The following SHANK2 variants were observed in gnomAD, a reference collection of about 807,000 sequenced individuals.
The protein encoded by SHANK2 is SH3 and multiple ankyrin repeat domains protein 2.
Under a neutral mutation model 133.7 loss-of-function variants are expected in SHANK2, and 43 were observed. That is an observed-to-expected ratio of 0.32 (90% CI 0.25 to 0.41). SHANK2 has a LOEUF of 0.41. Ranked by LOEUF, SHANK2 falls within the 10% of genes least tolerant of loss-of-function variation. The probability of loss-of-function intolerance (pLI) is 1.00; values close to 1 mark genes in which losing one functional copy is unlikely to be tolerated. For synonymous variants in SHANK2, 1,017 were observed against 952.8 expected (o/e 1.07, Z -1.24); for missense variants, 1,994 against 2,235.8 (o/e 0.89, Z 2.18).
intron 10 of SHANK2, among the ~76,000 whole-genome samples, chr11:70,902,401 C>T (rs1412526219): frequency 2.0e-5 from 3 of 152,246 alleles, no homozygotes; most frequent in Non-Finnish European, 4.4e-5. Context: ...CCCTCGCTGG[C>T]CTCTCAGCCA....
intron 11 of SHANK2, among the ~76,000 whole-genome samples, chr11:70,880,199 T>C (rs539765382): frequency 1.3e-5 from 2 of 152,344 alleles, no homozygotes; most frequent in South Asian, 2.1e-4. Flanking sequence ...CTGAGCTTCC[T>C]GGTTAGCCTG....
intron 10 of SHANK2, among the ~76,000 whole-genome samples, chr11:70,918,309 C>G (rs1174604032): frequency 2.0e-5 from 3 of 152,160 alleles, no homozygotes; most frequent in African/African-American, 7.2e-5. Flanking sequence ...TCAAGTCAGA[C>G]GTGTACCCTC....
At chr11:70,755,554 C>T (rs1025612184) in intron 14 of SHANK2, among the ~76,000 whole-genome samples, 2 of 152,248 alleles carry the variant, frequency 1.3e-5, no homozygotes, top group South Asian at 2.1e-4. Context: ...TCCCCAGCCC[C>T]GGCCCCGGCC....
chr11:71,166,642 C>T (rs1278371769), intron 2 of SHANK2, among the ~76,000 whole-genome samples: 4 of 151,710 alleles, frequency 2.6e-5, no homozygotes, highest in Non-Finnish European at 4.4e-5. Flanking sequence ...CCACCACACC[C>T]GGCTAATTTT....
In SHANK2 at chr11:71,230,720, G is replaced by C. The variant is rs138448093; in HGVS notation, c.-112-5924C>G. On this transcript the variant is annotated intron_variant, in intron 1 of 25. Coordinates refer to ENST00000601538, the MANE Select transcript of SHANK2 (RefSeq NM_012309.5). ...CAAAGCTGTGTGGTTCTGGTGGAGG[G>C]ACAGGCACATAGCAATAGAACTCAA... Among the ~76,000 whole-genome samples, 250 of 152,200 alleles carry C rather than the reference G, an allele frequency of 1.6e-3. 2 individuals are homozygous for C. The highest frequency in any genetic ancestry group is 5.9e-3 in the African/African-American group (243 of 41,508).
chr11:70,529,571 C>T (rs570301468), intron 17 of SHANK2, among the ~76,000 whole-genome samples: 6 of 152,242 alleles, frequency 3.9e-5, no homozygotes, highest in Admixed American at 2.0e-4. Flanking sequence ...GTAAAATACA[C>T]GTGGCCTAAC....
intron 14 of SHANK2, among the ~76,000 whole-genome samples, chr11:70,709,883 G>A (rs1038686791): frequency 2.0e-5 from 3 of 152,112 alleles, no homozygotes; most frequent in Non-Finnish European, 4.4e-5. Flanking sequence ...GGGGCGGGTG[G>A]GCTCCGGGGG....
chr11:70,539,963 G>T (rs1169435606), intron 17 of SHANK2, among the ~76,000 whole-genome samples: 1 of 152,122 alleles, frequency 6.6e-6, no homozygotes, highest in Non-Finnish European at 1.5e-5. Flanking sequence ...TGGCTTGGAG[G>T]AGCATCACCC....
At chr11:70,704,626 T>C (rs1555024524) in intron 14 of SHANK2, among the ~76,000 whole-genome samples, 1 of 130,012 alleles carries the variant, frequency 7.7e-6, no homozygotes, top group Non-Finnish European at 1.8e-5. Context: ...CTTTTAGAGA[T>C]GCGATGGAAG....
chr11:71,131,243 C>A (rs1555103648), intron 3 of SHANK2, among the ~76,000 whole-genome samples: 3 of 152,198 alleles, frequency 2.0e-5, no homozygotes. Context: ...TGGGCTGGTG[C>A]TCGTGGTGGC....
chr11:70,548,058 G>T (rs1304741563), intron 17 of SHANK2, among the ~76,000 whole-genome samples: 3 of 152,262 alleles, frequency 2.0e-5, no homozygotes, highest in African/African-American at 7.2e-5. Context: ...GGCAAAGGAG[G>T]CGCTGACATA....
At chr11:71,141,962 GTC>G (rs57725293) in intron 3 of SHANK2, among the ~76,000 whole-genome samples, 10,541 of 151,768 alleles carry the variant, frequency 0.069, 825 homozygotes, top group African/African-American at 0.19. Flanking sequence ...ACCTCCAACG[GTC>G]TCTGAGCTGC....
chr11:70,879,919 G>T (rs1426927916), intron 11 of SHANK2, among the ~76,000 whole-genome samples: 2 of 152,212 alleles, frequency 1.3e-5, no homozygotes, highest in African/African-American at 4.8e-5. Context: ...CCTCTCCCAG[G>T]AATGGTGACA....
intron 14 of SHANK2, among the ~76,000 whole-genome samples, chr11:70,757,147 C>T (rs1946893309): frequency 6.6e-6 from 1 of 152,198 alleles, no homozygotes; most frequent in African/African-American, 2.4e-5. Context: ...ATCTACTGAG[C>T]CCCTGCCCTG....
chr11:70,738,896 C>T (rs1184621114), intron 14 of SHANK2, among the ~76,000 whole-genome samples: 1 of 152,336 alleles, frequency 6.6e-6, no homozygotes, highest in South Asian at 2.1e-4. Context: ...TTCTGCTGCC[C>T]CCCTCGAATG....
At chr11:70,709,865 T>C (rs1945741944) in intron 14 of SHANK2, among the ~76,000 whole-genome samples, 2 of 149,052 alleles carry the variant, frequency 1.3e-5, no homozygotes, top group South Asian at 4.4e-4. Flanking sequence ...AGGCCTCAGG[T>C]CACCAGTGGG....
chr11:70,723,546 C>T (rs1001759869), intron 14 of SHANK2, among the ~76,000 whole-genome samples: 1 of 152,230 alleles, frequency 6.6e-6, no homozygotes, highest in African/African-American at 2.4e-5. Flanking sequence ...GCCCAACTCA[C>T]AGGCTGAGTG....
At chr11:70,504,995 T>C (rs2059116757) in intron 17 of SHANK2, among the ~76,000 whole-genome samples, 1 of 152,106 alleles carries the variant, frequency 6.6e-6, no homozygotes, top group African/African-American at 2.4e-5. Flanking sequence ...GCACAGGCAG[T>C]TCAGCTGTCT....
At chr11:70,748,983 AT>A (rs1443361897) in intron 14 of SHANK2, among the ~76,000 whole-genome samples, 2 of 138,476 alleles carry the variant, frequency 1.4e-5, no homozygotes, top group Non-Finnish European at 3.1e-5. Flanking sequence ...ACAATAACGA[AT>A]CCCCCCCATC....
Sources: allele counts gnomAD v4.1 joint callset (sites outside exome capture counted in the v4.1 genomes callset), GRCh38; gene constraint gnomAD v4.1.1; transcripts MANE v1.5; gene names NCBI Gene and HGNC (gene_info 2026-07-23, HGNC 2026-07-21).